FSTL5: variants seen among roughly 807,000 people sequenced by gnomAD.
FSTL5 encodes follistatin like 5, also known as follistatin-related protein 5.
FSTL5 carries 62 observed loss-of-function variants against 89.1 expected under a neutral mutation model. The observed-to-expected ratio is 0.70, with a 90% CI of 0.57 to 0.86. The LOEUF (loss-of-function observed/expected upper bound fraction) is 0.86. Among genes scored for constraint, FSTL5 ranks in the 40% least tolerant of loss-of-function variants. The probability of loss-of-function intolerance (pLI) is 0.00; values close to 1 mark genes in which losing one functional copy is unlikely to be tolerated. For missense variants in FSTL5, 1,057 were observed against 1,001.6 expected (o/e 1.06, Z -0.75); for synonymous variants, 383 against 346.2 (o/e 1.11, Z -1.18).
At chr4:161,751,738 G>A (rs1740398966) in intron 6 of FSTL5, among the ~76,000 whole-genome samples, 1 of 151,524 alleles carries the variant, frequency 6.6e-6, no homozygotes, top group South Asian at 2.1e-4. Flanking sequence ...CTATGATAGT[G>A]TCACTGCACT....
chr4:162,051,936 G>A lies in FSTL5; in HGVS notation c.127-18278C>T, dbSNP rs368227267. Among the ~76,000 whole-genome samples the A allele has an allele frequency of 8.6e-5, 13 of 150,820 alleles. No homozygotes were observed. In the East Asian group the frequency reaches 1.4e-3, roughly 16 times the overall value. On this transcript the variant is annotated intron_variant, in intron 2 of 15. Coordinates refer to ENST00000306100, the MANE Select transcript of FSTL5 (RefSeq NM_020116.5). Reference sequence around the variant, plus strand: ...GCAAGATAGTAACAACATTAGCAAAGAAAAACAAGAAGGAAATAGGGAAGA... The same window carrying A: ...GCAAGATAGTAACAACATTAGCAAAAAAAAACAAGAAGGAAATAGGGAAGA...
chr4:161,520,841 T>C (rs1235417338), intron 10 of FSTL5, among the ~76,000 whole-genome samples: 1 of 152,206 alleles, frequency 6.6e-6, no homozygotes, highest in Non-Finnish European at 1.5e-5. Flanking sequence ...TGAATTAAAA[T>C]GTATCCTGGT....
intron 15 of FSTL5, among the ~76,000 whole-genome samples, chr4:161,408,335 C>A (rs1731463653): frequency 6.6e-6 from 1 of 152,180 alleles, no homozygotes; most frequent in Admixed American, 6.5e-5. Flanking sequence ...AATTCCCCCT[C>A]CTGCAAAACC....
At chr4:161,475,366 T>C (rs1483609810) in intron 13 of FSTL5, among the ~76,000 whole-genome samples, 2 of 152,166 alleles carry the variant, frequency 1.3e-5, no homozygotes, top group African/African-American at 4.8e-5. Context: ...CTTCTCCTTC[T>C]GGGACTGCCG....
At chr4:161,440,469 A>ATCCC (rs1396503537) in intron 15 of FSTL5, among the ~76,000 whole-genome samples, 1 of 152,114 alleles carries the variant, frequency 6.6e-6, no homozygotes, top group East Asian at 1.9e-4. Context: ...CACAACAGAT[A>ATCCC]AGCAAAAAAG....
Position 162,112,775 on chromosome 4 carries a change from TCACACACACACACA to T in FSTL5, c.-16-1377_-16-1364del, listed in dbSNP as rs71598742. 1.7e-3 allele frequency among the ~76,000 whole-genome samples: 242 copies of T among 139,418 alleles called. 1 individual carries two copies. The highest frequency in any genetic ancestry group is 3.7e-3 in the South Asian group (15 of 4,084). The allele number at this position is 139,418 out of a possible 152,430, so 91.5% of individuals were successfully genotyped here. Reference sequence around the variant, plus strand: ...GCTTTCTCAAAGCTAACCGACACAATCACACACACACACACACACACACACACACACACACACAC... The same window carrying T: ...GCTTTCTCAAAGCTAACCGACACAATCACACACACACACACACACACACAC... On this transcript the variant is annotated intron_variant, in intron 1 of 15. Transcript: ENST00000306100.
At chr4:161,496,984 G>A (rs1458296318) in intron 12 of FSTL5, among the ~76,000 whole-genome samples, 3 of 152,042 alleles carry the variant, frequency 2.0e-5, no homozygotes, top group Non-Finnish European at 4.4e-5. Context: ...AATTTCTCAC[G>A]AAATTACTTT....
At chr4:161,636,502 T>G (rs1240807471) in intron 7 of FSTL5, among the ~76,000 whole-genome samples, 1 of 148,746 alleles carries the variant, frequency 6.7e-6, no homozygotes, top group East Asian at 2.0e-4. Flanking sequence ...AGGGTACATG[T>G]GCACATTGCG....
At chr4:161,454,579 T>C (rs1044990343) in intron 15 of FSTL5, among the ~76,000 whole-genome samples, 1 of 152,206 alleles carries the variant, frequency 6.6e-6, no homozygotes, top group Admixed American at 6.5e-5. Context: ...AATATTTACA[T>C]TGAATATATT....
chr4:161,460,718 C>T (rs543390005), intron 13 of FSTL5, among the ~76,000 whole-genome samples: 3 of 152,164 alleles, frequency 2.0e-5, no homozygotes, highest in East Asian at 1.9e-4. Context: ...TATTGGATTT[C>T]GAAAGAAACT....
chr4:161,612,793 C>T (rs987626064), intron 7 of FSTL5, among the ~76,000 whole-genome samples: 10 of 152,044 alleles, frequency 6.6e-5, no homozygotes, highest in Non-Finnish European at 7.4e-5. Flanking sequence ...ACAATAGAAA[C>T]AATTATGTGA....
intron 2 of FSTL5, among the ~76,000 whole-genome samples, chr4:162,073,963 G>A (rs1729731894): frequency 6.6e-6 from 1 of 151,638 alleles, no homozygotes; most frequent in Non-Finnish European, 1.5e-5. Context: ...TGTAAAAACT[G>A]AAATTTTTTC....
chr4:162,113,439 C>T (rs1170329900), intron 1 of FSTL5, among the ~76,000 whole-genome samples: 2 of 152,288 alleles, frequency 1.3e-5, no homozygotes, highest in African/African-American at 2.4e-5. Flanking sequence ...ACCACATCCT[C>T]GCTAGTCTTC....
At chr4:161,831,310 T>C (rs959283043) in intron 4 of FSTL5, among the ~76,000 whole-genome samples, 1 of 151,962 alleles carries the variant, frequency 6.6e-6, no homozygotes, top group African/African-American at 2.4e-5. Context: ...AAAATTTTCT[T>C]TGGATATTTA....
intron 4 of FSTL5, among the ~76,000 whole-genome samples, chr4:161,890,220 T>C (rs1340639724): frequency 6.6e-6 from 1 of 152,168 alleles, no homozygotes; most frequent in African/African-American, 2.4e-5. Context: ...ATTTGCTTGG[T>C]TGGCACCTAA....
At chr4:161,974,248 GA>G (rs1735567435) in intron 3 of FSTL5, among the ~76,000 whole-genome samples, 1 of 152,048 alleles carries the variant, frequency 6.6e-6, no homozygotes, top group Non-Finnish European at 1.5e-5. Context: ...CACAGAATTG[GA>G]AAAAACTACT....
intron 13 of FSTL5, among the ~76,000 whole-genome samples, chr4:161,470,897 G>C (rs935839659): frequency 1.3e-5 from 2 of 151,904 alleles, no homozygotes; most frequent in Non-Finnish European, 2.9e-5. Context: ...TTTATTATTA[G>C]TGTATAGAAA....
intron 4 of FSTL5, among the ~76,000 whole-genome samples, chr4:161,908,684 T>C (rs1436358307): frequency 1.3e-5 from 2 of 152,128 alleles, no homozygotes; most frequent in African/African-American, 4.8e-5. Flanking sequence ...AAAATATGCA[T>C]AACTTAGAAA....
In FSTL5 at chr4:161,766,909, T is replaced by TAGA. The variant is rs1560833626; in HGVS notation, c.607-7379_607-7378insTCT. 3.5e-3 allele frequency among the ~76,000 whole-genome samples: 157 copies of TAGA among 44,768 alleles called. 1 individual carries two copies. The highest frequency in any genetic ancestry group is 0.024 in the African/African-American group (91 of 3,798). 29.4% of individuals were successfully genotyped at this position (44,768 alleles called of 152,430 possible). On this transcript the variant is annotated intron_variant, in intron 5 of 15. Coordinates refer to ENST00000306100, the MANE Select transcript of FSTL5 (RefSeq NM_020116.5). Reference sequence around the variant, plus strand: ...AGATAGACAATAGATGATAGATCGATTGATAGATAGATAGATAGATAGATA... The same window carrying TAGA: ...AGATAGACAATAGATGATAGATCGATAGATGATAGATAGATAGATAGATAGATA...
Sources: gnomAD v4.1 joint callset for allele counts (sites outside exome capture counted in the v4.1 genomes callset) on GRCh38, gnomAD v4.1.1 for gene constraint, MANE v1.5 for transcripts, NCBI Gene and HGNC (gene_info 2026-07-23, HGNC 2026-07-21) for gene names.